The following USP33 variants were observed in gnomAD, a reference collection of about 807,000 sequenced individuals.
USP33 encodes the protein ubiquitin specific peptidase 33, also known as ubiquitin carboxyl-terminal hydrolase 33.
USP33 carries 46 observed loss-of-function variants against 124.2 expected under a neutral mutation model. That is an observed-to-expected ratio of 0.37 (90% CI 0.29 to 0.47). USP33 has a LOEUF of 0.47. Among genes scored for constraint, USP33 ranks in the 20% least tolerant of loss-of-function variants. USP33 has a pLI of 0.99. For synonymous variants in USP33, 350 were observed against 352.3 expected (o/e 0.99, Z 0.07); for missense variants, 851 against 1,070.6 (o/e 0.79, Z 2.86).
At chr1:77,720,140 GAC>G (rs1676400558) in intron 15 of USP33, among the ~76,000 whole-genome samples, 1 of 105,350 alleles carries the variant, frequency 9.5e-6, no homozygotes, top group Non-Finnish European at 1.8e-5. Context: ...CAGCCTTGGC[GAC>G]AGAATGAGAC....
At chr1:77,735,141 G>T (rs2101512830) in intron 6 of USP33, among the ~76,000 whole-genome samples, 1 of 151,624 alleles carries the variant, frequency 6.6e-6, no homozygotes, top group East Asian at 1.9e-4. Flanking sequence ...AAGAAAAAAA[G>T]AAAGTAGTAT....
chr1:77,719,313 C>T (rs1315929978), intron 15 of USP33, among the ~76,000 whole-genome samples: 7 of 152,122 alleles, frequency 4.6e-5, no homozygotes, highest in Non-Finnish European at 7.3e-5. Flanking sequence ...GAGTCAATAT[C>T]GTGCCACTGC....
In USP33 at chr1:77,748,788, C is replaced by CA. The variant is rs1210504651; in HGVS notation, c.-51-7041_-51-7040insT. On this transcript the variant is annotated intron_variant, in intron 1 of 23. Transcript: ENST00000370794. ...GGCAGCATTCCTTCCCTCCCCCCCC[C>CA]CCCCGTGCTTGAATCAGGATTGGCA... 3.7e-4 allele frequency among the ~76,000 whole-genome samples: 47 copies of CA among 125,536 alleles called. 1 individual carries two copies. The highest frequency in any genetic ancestry group is 5.3e-4 in the Non-Finnish European group (31 of 58,310). The allele number at this position is 125,536 out of a possible 152,430, so 82.4% of individuals were successfully genotyped here.
At chr1:77,702,164 A>AAAC (rs1557809792) in intron 21 of USP33, among the ~76,000 whole-genome samples, 2 of 144,276 alleles carry the variant, frequency 1.4e-5, no homozygotes, top group Non-Finnish European at 3.0e-5. Flanking sequence ...AAAAAAAAAA[A>AAAC]AAAAAAAAAA....
In USP33 at chr1:77,728,608, C is replaced by A; in HGVS notation, c.822G>T (p.Glu274Asp). 1 of 1,614,142 alleles carries A rather than the reference C, an allele frequency of 6.2e-7. No homozygotes were observed. Among genetic ancestry groups the A allele is most frequent in the Non-Finnish European group, 8.5e-7 (1 of 1,180,024 alleles). The change falls in exon 10 of 24, where the codon GAG becomes GAT. Residue 274 changes from glutamate to aspartate, a missense_variant. Transcript: ENST00000370794. ...EEDPQTITTE[E>D]TMEEDKSQSD... ...ACTGGCTCTTGTCTTCTTCCATTGT[C>A]TCCTCAGTGGTTATGGTTTGCGGAT...
rs58750531 is a variant in USP33 at position 77,702,141 on chromosome 1, CAAAAAAAAAAAAAAAAAAAAAAA to C, written c.2407-693_2407-671del. Among the ~76,000 whole-genome samples, 26 of 15,784 alleles carry C rather than the reference CAAAAAAAAAAAAAAAAAAAAAAA, an allele frequency of 1.6e-3. 1 individual carries two copies. In the Admixed American group the frequency reaches 0.028, roughly 17 times the overall value. 10.4% of individuals were successfully genotyped at this position (15,784 alleles called of 152,430 possible). On this transcript the variant is annotated intron_variant, in intron 21 of 23. Coordinates refer to ENST00000370794, the MANE Select transcript of USP33 (RefSeq NM_201624.3). ...TGGGTGACAGAACAAGACCCTGTCT[CAAAAAAAAAAAAAAAAAAAAAAA>C]AAAAAAAAAAAAACCAGTGGTACAG... is the stretch of plus-strand genomic sequence containing the variant.
intron 17 of USP33, chr1:77,717,458 C>T (rs529253754): frequency 6.6e-6 from 1 of 150,640 alleles, no homozygotes; most frequent in Admixed American, 6.6e-5. Flanking sequence ...CCACTGCACT[C>T]CAGCCTGGGC....
At position 77,723,653 on chromosome 1, in the gene USP33, T is replaced by G. The variant is rs1055204871; in HGVS notation, c.1277-210A>C. Among the ~76,000 whole-genome samples the G allele has an allele frequency of 3.9e-5, 6 of 152,148 alleles. No homozygotes were observed. In the South Asian group the frequency reaches 1.0e-3, roughly 26 times the overall value. On this transcript the variant is annotated intron_variant, in intron 11 of 23. Coordinates refer to ENST00000370794, the MANE Select transcript of USP33 (RefSeq NM_201624.3). ...AACTAAGCAGACAAGGCTTAAGATA[T>G]TTGTTGTTTTTTTTTGTTTTTTTGT...
intron 1 of USP33, among the ~76,000 whole-genome samples, chr1:77,746,843 A>C (rs1473749946): frequency 6.6e-6 from 1 of 152,256 alleles, no homozygotes; most frequent in Non-Finnish European, 1.5e-5. Flanking sequence ...TTCATGCTAA[A>C]AACTCTCAAT....
At chr1:77,698,177 C>G (rs1337974251) in intron 22 of USP33, among the ~76,000 whole-genome samples, 1 of 151,266 alleles carries the variant, frequency 6.6e-6, no homozygotes, top group Non-Finnish European at 1.5e-5. Context: ...GATTCTCCTG[C>G]CTCAGCCTCC....
At chr1:77,759,580 G>C (rs562965924) in intron 1 of USP33, 63 bp downstream of exon 1, 27 of 398,012 alleles carry the variant, frequency 6.8e-5, no homozygotes, top group Non-Finnish European at 1.1e-4. Context: ...AACAGAGACC[G>C]GACCCCGGAC....
chr1:77,741,958 C>T (rs1411842046), intron 1 of USP33, among the ~76,000 whole-genome samples: 1 of 152,092 alleles, frequency 6.6e-6, no homozygotes, highest in Non-Finnish European at 1.5e-5. Flanking sequence ...GGAAATTTCT[C>T]TACTACATAA....
intron 22 of USP33, 94 bp downstream of exon 22, chr1:77,701,275 T>C (rs1266176228): frequency 4.9e-6 from 4 of 814,128 alleles, no homozygotes; most frequent in Admixed American, 2.3e-5. Context: ...TGTTCAATAG[T>C]GTAATCCCAA....
chr1:77,752,951 C>T (rs1357009192), intron 1 of USP33, among the ~76,000 whole-genome samples: 1 of 151,838 alleles, frequency 6.6e-6, no homozygotes, highest in Non-Finnish European at 1.5e-5. Flanking sequence ...TGGTGGTGTG[C>T]GTCTGTAGTC....
In USP33 at chr1:77,729,857, A is replaced by G. The variant is rs907969802; in HGVS notation, c.717+3T>C. On this transcript the variant is annotated splice_donor_region_variant and intron_variant, in intron 9 of 23. Transcript: ENST00000370794. Reference sequence around the variant, plus strand: ...AATTACAAATGAAAAGCAATAAACTAACCTGCTGAGAATACCCCCGAAATG... The same window carrying G: ...AATTACAAATGAAAAGCAATAAACTGACCTGCTGAGAATACCCCCGAAATG... The G allele has an allele frequency of 6.2e-7, 1 of 1,612,538 alleles. No individual in the cohort carries two copies. Among genetic ancestry groups the G allele is most frequent in the African/African-American group, 1.3e-5 (1 of 74,878 alleles).
rs755075240 is a variant in USP33, at chr1:77,718,006, C to T, written c.1779G>A (p.Met593Ile). ...CATGGGTACTGATTTTGGTGGAAAA[C>T]ATTAGTTCATGTCTGAATCTTTTAA... is the stretch of plus-strand genomic sequence containing the variant. ...IHLKRFRHEL[M>I]FSTKISTHVS... Residue 593 changes from methionine to isoleucine, a missense_variant, in exon 17 of 24, where the codon ATG becomes ATA. Around this residue, in one of 4 missense-constraint regions of USP33, gnomAD observed 281 missense variants for 425.0 expected, o/e 0.66. Coordinates refer to ENST00000370794, the MANE Select transcript of USP33 (RefSeq NM_201624.3). The T allele has an allele frequency of 1.9e-6, 3 of 1,611,298 alleles. No homozygotes were observed. Among genetic ancestry groups the T allele is most frequent in the Non-Finnish European group, 1.7e-6 (2 of 1,178,902 alleles).
chr1:77,717,024 C>G (rs971868525), intron 17 of USP33, among the ~76,000 whole-genome samples: 2 of 151,878 alleles, frequency 1.3e-5, no homozygotes, highest in Non-Finnish European at 2.9e-5. Context: ...TGCCATCATG[C>G]TTGGCTAATT....
intron 20 of USP33, among the ~76,000 whole-genome samples, chr1:77,712,757 C>G (rs1442053768): frequency 1.3e-5 from 2 of 151,894 alleles, no homozygotes; most frequent in Admixed American, 1.3e-4. Context: ...ACTAGGCAGG[C>G]TGAAGTGAGA....
chr1:77,709,738 TATATAG>T (rs1426917774), intron 21 of USP33, among the ~76,000 whole-genome samples: 1 of 151,594 alleles, frequency 6.6e-6, no homozygotes, highest in Non-Finnish European at 1.5e-5. Flanking sequence ...AATCAATCTA[TATATAG>T]ATATAGATAT....
Sources: gnomAD v4.1 joint callset for allele counts (sites outside exome capture counted in the v4.1 genomes callset) on GRCh38, gnomAD v4.1.1 for gene constraint, gnomAD v4.1.1 regional missense constraint, MANE v1.5 for transcripts, NCBI Gene and HGNC (gene_info 2026-07-23, HGNC 2026-07-21) for gene names.